USP32: variants seen among roughly 807,000 people sequenced by gnomAD.
USP32 encodes ubiquitin specific peptidase 32.
USP32 carries 59 observed loss-of-function variants against 204.8 expected under a neutral mutation model. That is an observed-to-expected ratio of 0.29 (90% CI 0.23 to 0.36). The LOEUF (loss-of-function observed/expected upper bound fraction) is 0.36. USP32 is among the 10% of genes least tolerant of loss of function. The pLI, the probability that USP32 is intolerant of heterozygous loss-of-function variation, is 1.00. For missense variants in USP32, 1,160 were observed against 1,946.4 expected (o/e 0.60, Z 7.60); for synonymous variants, 517 against 678.4 (o/e 0.76, Z 3.70).
At chr17:60,420,661 G>A (rs745505607) in intron 1 of USP32, among the ~76,000 whole-genome samples, 16 of 152,026 alleles carry the variant, frequency 1.1e-4, no homozygotes, top group Admixed American at 5.2e-4. Context: ...GCAAAACTCC[G>A]TCTCAAAAAC....
At chr17:60,351,742 A>C (rs2088956053) in intron 1 of USP32, among the ~76,000 whole-genome samples, 1 of 152,218 alleles carries the variant, frequency 6.6e-6, no homozygotes. Context: ...GGCATTTATT[A>C]AATGTCTACT....
chr17:60,295,312 T>C (rs193153445), intron 3 of USP32, among the ~76,000 whole-genome samples: 4 of 150,904 alleles, frequency 2.7e-5, no homozygotes, highest in Admixed American at 2.6e-4. Flanking sequence ...AAATACTACA[T>C]AGAAGTTAAA....
intron 9 of USP32, among the ~76,000 whole-genome samples, chr17:60,265,077 G>A (rs1476265625): frequency 6.6e-6 from 1 of 151,862 alleles, no homozygotes; most frequent in Non-Finnish European, 1.5e-5. Flanking sequence ...ATTCTTTTTT[G>A]TTTGACTTCT....
At chr17:60,186,968 C>A (rs1044463058) in intron 29 of USP32, among the ~76,000 whole-genome samples, 1 of 151,966 alleles carries the variant, frequency 6.6e-6, no homozygotes, top group Non-Finnish European at 1.5e-5. Flanking sequence ...ATTTGTGTCC[C>A]AAAGCAGAGC....
intron 2 of USP32, among the ~76,000 whole-genome samples, chr17:60,318,147 CAG>C (rs973218305): frequency 4.6e-5 from 7 of 152,186 alleles, no homozygotes; most frequent in Admixed American, 3.9e-4. Flanking sequence ...AAAAGGTTAA[CAG>C]AATTAAATCA....
At chr17:60,344,285 A>T (rs761425554) in intron 2 of USP32, among the ~76,000 whole-genome samples, 2 of 150,982 alleles carry the variant, frequency 1.3e-5, no homozygotes, top group Non-Finnish European at 3.0e-5. Flanking sequence ...CCCGCCACTA[A>T]GCCCAGCTAA....
chr17:60,326,381 G>A (rs2145953701), intron 2 of USP32, among the ~76,000 whole-genome samples: 1 of 151,898 alleles, frequency 6.6e-6, no homozygotes, highest in Non-Finnish European at 1.5e-5. Context: ...CGCAATCTCG[G>A]CTCACTGCAA....
At chr17:60,194,010 G>A (rs1230058753) in intron 27 of USP32, among the ~76,000 whole-genome samples, 1 of 151,988 alleles carries the variant, frequency 6.6e-6, no homozygotes, top group Non-Finnish European at 1.5e-5. Flanking sequence ...ATGAAGCCTG[G>A]CTTTCTTGAG....
intron 1 of USP32, among the ~76,000 whole-genome samples, chr17:60,349,793 C>T (rs886636805): frequency 6.7e-6 from 1 of 148,752 alleles, no homozygotes; most frequent in African/African-American, 2.5e-5. Flanking sequence ...CAATGTCCAT[C>T]AACAAAGGAC....
At chr17:60,233,356 C>T (rs2085625491) in intron 12 of USP32, among the ~76,000 whole-genome samples, 1 of 152,052 alleles carries the variant, frequency 6.6e-6, no homozygotes, top group Admixed American at 6.6e-5. Flanking sequence ...GTCTCAGCTA[C>T]TCAGGAGGTG....
chr17:60,349,588 A>ATATATATATAT (rs2088872150), intron 1 of USP32, among the ~76,000 whole-genome samples: 1 of 47,686 alleles, frequency 2.1e-5, no homozygotes, highest in African/African-American at 1.5e-4. Context: ...GAAAAAAAAA[A>ATATATATATAT]AAAAAAAAAT....
chr17:60,400,751 T>A (rs1313141909), intron 1 of USP32, among the ~76,000 whole-genome samples: 1 of 152,216 alleles, frequency 6.6e-6, no homozygotes, highest in African/African-American at 2.4e-5. Flanking sequence ...ATGGGTGCAG[T>A]GGCTCATGCC....
At chr17:60,241,437 T>A (rs979911267) in intron 11 of USP32, among the ~76,000 whole-genome samples, 1 of 134,728 alleles carries the variant, frequency 7.4e-6, no homozygotes, top group Non-Finnish European at 1.5e-5. Flanking sequence ...AATTATTATT[T>A]TTTTTATAAT....
At chr17:60,351,258 T>C (rs896624139) in intron 1 of USP32, among the ~76,000 whole-genome samples, 8 of 152,016 alleles carry the variant, frequency 5.3e-5, no homozygotes, top group African/African-American at 1.9e-4. Flanking sequence ...CAAACCCCCA[T>C]CACTTTCACA....
intron 4 of USP32, among the ~76,000 whole-genome samples, chr17:60,292,778 TAA>T (rs201407793): frequency 4.3e-4 from 54 of 125,812 alleles, no homozygotes; most frequent in Non-Finnish European, 4.0e-4. Flanking sequence ...ATCATGTGTG[TAA>T]AAAAAAAAAA....
chr17:60,220,712 C>T (rs1002779215), intron 15 of USP32, among the ~76,000 whole-genome samples: 13 of 151,796 alleles, frequency 8.6e-5, no homozygotes, highest in African/African-American at 3.1e-4. Flanking sequence ...GGCCCGATCT[C>T]GGCTCACCGC....
intron 13 of USP32, among the ~76,000 whole-genome samples, chr17:60,225,025 T>C (rs896300512): frequency 6.6e-6 from 1 of 152,210 alleles, no homozygotes; most frequent in Non-Finnish European, 1.5e-5. Context: ...ATACATAGAA[T>C]CTGATGTGGG....
intron 1 of USP32, among the ~76,000 whole-genome samples, chr17:60,385,416 C>G (rs746076148): frequency 2.6e-5 from 4 of 152,204 alleles, no homozygotes. Context: ...TGTGGTGGCA[C>G]ACGCCTGTAG....
At chr17:60,275,579 A>G (rs1395989264) in intron 5 of USP32, among the ~76,000 whole-genome samples, 2 of 152,196 alleles carry the variant, frequency 1.3e-5, no homozygotes, top group African/African-American at 4.8e-5. Flanking sequence ...TTAGTACCAG[A>G]CATGACCTTG....
Sources: allele counts gnomAD v4.1 joint callset (sites outside exome capture counted in the v4.1 genomes callset), GRCh38; gene constraint gnomAD v4.1.1; transcripts MANE v1.5; gene names NCBI Gene and HGNC (gene_info 2026-07-23, HGNC 2026-07-21).